The following MGMT variants were observed in gnomAD, a reference collection of about 807,000 sequenced individuals.
The protein encoded by MGMT is methylated-DNA--protein-cysteine methyltransferase.
Under a neutral mutation model 15.9 loss-of-function variants are expected in MGMT, and 14 were observed. That is an observed-to-expected ratio of 0.88 (90% CI 0.58 to 1.37). The LOEUF (loss-of-function observed/expected upper bound fraction) is 1.37, where lower values mean the gene tolerates loss of function less well. Ranked by LOEUF, MGMT falls within the 40% of genes most tolerant of loss-of-function variation. MGMT has a pLI of 0.00. For missense variants in MGMT, 282 were observed against 268.1 expected, an observed-to-expected ratio of 1.05 and a Z score of -0.36; for synonymous variants, 130 against 118.2, an observed-to-expected ratio of 1.10 and a Z score of -0.65.
At chr10:129,675,200 T>G (rs768693913) in intron 2 of MGMT, among the ~76,000 whole-genome samples, 15 of 151,972 alleles carry the variant, frequency 9.9e-5, no homozygotes, top group Admixed American at 2.6e-4. Flanking sequence ...ACTGGGAGGT[T>G]TGAGAGGGTG....
intron 2 of MGMT, among the ~76,000 whole-genome samples, chr10:129,615,335 C>G (rs889148040): frequency 6.6e-6 from 1 of 152,216 alleles, no homozygotes; most frequent in Non-Finnish European, 1.5e-5. Flanking sequence ...CTGCGCTGGA[C>G]AGCACCCAGG....
chr10:129,579,030 A>G (rs934438527), intron 2 of MGMT, among the ~76,000 whole-genome samples: 1 of 152,204 alleles, frequency 6.6e-6, no homozygotes, highest in Admixed American at 6.5e-5. Flanking sequence ...ATACGACTTC[A>G]GTTCCCTTAT....
intron 2 of MGMT, among the ~76,000 whole-genome samples, chr10:129,689,597 GCA>G (rs1030890982): frequency 2.0e-5 from 3 of 152,198 alleles, no homozygotes; most frequent in African/African-American, 7.2e-5. Flanking sequence ...GTTACCACAA[GCA>G]CACACCCTTT....
intron 2 of MGMT, among the ~76,000 whole-genome samples, chr10:129,548,899 G>A (rs10764890): frequency 0.45 from 67,729 of 152,124 alleles, 15,749 homozygotes; most frequent in East Asian, 0.63. Context: ...CCTGGAAGGC[G>A]TGAAGATGGG....
At chr10:129,662,037 C>T (rs1847603818) in intron 2 of MGMT, among the ~76,000 whole-genome samples, 2 of 152,136 alleles carry the variant, frequency 1.3e-5, no homozygotes, top group African/African-American at 4.8e-5. Flanking sequence ...CAGCTCTTCC[C>T]TGATAGTAAT....
rs112982947 is a variant in MGMT at position 129,731,049 on chromosome 10, C to T, written c.274+23006C>T. Among the ~76,000 whole-genome samples, 157 of 152,258 alleles carry T rather than the reference C, an allele frequency of 1.0e-3. 1 individual carries two copies. Among genetic ancestry groups the T allele is most frequent in the Non-Finnish European group, 1.5e-3 (99 of 68,008 alleles). ...GAGCGAGCCTCCTAGGTGAAACTGT[C>T]ACTAGGCGCCCCACACTTCAGCCAG... is the stretch of plus-strand genomic sequence containing the variant. On this transcript the variant is annotated intron_variant, in intron 3 of 4. Transcript: ENST00000651593.
chr10:129,618,491 C>A (rs1309350731), intron 2 of MGMT, among the ~76,000 whole-genome samples: 1 of 151,878 alleles, frequency 6.6e-6, no homozygotes, highest in Non-Finnish European at 1.5e-5. Context: ...TCTTCTTAGT[C>A]CTTTGCATTT....
intron 2 of MGMT, among the ~76,000 whole-genome samples, chr10:129,597,675 C>T (rs1459350175): frequency 1.3e-5 from 2 of 152,118 alleles, no homozygotes; most frequent in African/African-American, 4.8e-5. Context: ...TCTTGTCCAC[C>T]AGCTGTTTTT....
chr10:129,690,495 T>C (rs1847957020), intron 2 of MGMT, among the ~76,000 whole-genome samples: 1 of 152,234 alleles, frequency 6.6e-6, no homozygotes, highest in African/African-American at 2.4e-5. Context: ...GGTGTGGCTT[T>C]ACCTGTGGAA....
intron 2 of MGMT, among the ~76,000 whole-genome samples, chr10:129,634,280 T>C (rs998355805): frequency 9.2e-5 from 14 of 152,338 alleles, no homozygotes; most frequent in African/African-American, 3.4e-4. Flanking sequence ...TAAGGCCCCT[T>C]ATCAATTTTT....
chr10:129,634,295 C>T (rs967431897), intron 2 of MGMT, among the ~76,000 whole-genome samples: 6 of 152,146 alleles, frequency 3.9e-5, no homozygotes, highest in African/African-American at 1.4e-4. Context: ...ATTTTTTGAA[C>T]AATTTTATTG....
chr10:129,616,487 C>A (rs959607859), intron 2 of MGMT, among the ~76,000 whole-genome samples: 7 of 152,158 alleles, frequency 4.6e-5, no homozygotes, highest in African/African-American at 1.7e-4. Flanking sequence ...AAATTCCCAA[C>A]AAGGGCTCAC....
intron 2 of MGMT, among the ~76,000 whole-genome samples, chr10:129,673,056 C>A (rs992629241): frequency 1.3e-5 from 2 of 152,140 alleles, no homozygotes; most frequent in Admixed American, 1.3e-4. Flanking sequence ...ACTTTTACTC[C>A]TACAAGGTGG....
chr10:129,512,466 CT>C (rs1385599440), intron 1 of MGMT, among the ~76,000 whole-genome samples: 1 of 152,150 alleles, frequency 6.6e-6, no homozygotes, highest in Admixed American at 6.5e-5. Flanking sequence ...CTCCCTGTGA[CT>C]TCCCCACACC....
At chr10:129,476,669 G>A (rs1845298142) in intron 1 of MGMT, among the ~76,000 whole-genome samples, 1 of 152,196 alleles carries the variant, frequency 6.6e-6, no homozygotes, top group East Asian at 1.9e-4. Context: ...GAGTGGCTGG[G>A]TGGGGAGGTC....
chr10:129,520,550 C>CGG (rs1845793747), intron 1 of MGMT, among the ~76,000 whole-genome samples: 1 of 147,186 alleles, frequency 6.8e-6, no homozygotes, highest in African/African-American at 2.6e-5. Context: ...AGAGCCCCTA[C>CGG]CGTGCAGGTG....
intron 2 of MGMT, among the ~76,000 whole-genome samples, chr10:129,548,368 G>C (rs1846119524): frequency 6.6e-6 from 1 of 152,192 alleles, no homozygotes. Flanking sequence ...TACCCCAAAA[G>C]TAGCCTCCTC....
chr10:129,602,684 G>C (rs924748900), intron 2 of MGMT, among the ~76,000 whole-genome samples: 1 of 152,102 alleles, frequency 6.6e-6, no homozygotes, highest in Non-Finnish European at 1.5e-5. Context: ...TGCGCCCCAC[G>C]TGCCTGGGTA....
intron 1 of MGMT, among the ~76,000 whole-genome samples, chr10:129,481,243 A>G (rs1159735599): frequency 2.0e-5 from 3 of 152,208 alleles, no homozygotes; most frequent in Non-Finnish European, 4.4e-5. Flanking sequence ...TCTTTTCTGC[A>G]GTGAATATGG....
Sources: allele counts gnomAD v4.1 joint callset (sites outside exome capture counted in the v4.1 genomes callset), GRCh38; gene constraint gnomAD v4.1.1; transcripts MANE v1.5; gene names NCBI Gene and HGNC (gene_info 2026-07-23, HGNC 2026-07-21).